Variants in IQCM observed in about 807,000 individuals in gnomAD.
IQCM encodes the protein IQ domain-containing protein M.
IQCM carries 45 observed loss-of-function variants against 57.6 expected under a neutral mutation model. The ratio of observed to expected loss-of-function variants is 0.78; its 90% CI spans 0.62 to 1.00. IQCM has a LOEUF of 1.00. Among genes scored for constraint, IQCM ranks in the 50% least tolerant of loss-of-function variants. The pLI is 0.00. For synonymous variants in IQCM, 148 were observed against 158.9 expected, an observed-to-expected ratio of 0.93 and a Z score of 0.51; for missense variants, 468 against 511.6, an observed-to-expected ratio of 0.91 and a Z score of 0.82.
At chr4:149,361,366 C>G (rs543255135) in intron 13 of IQCM, among the ~76,000 whole-genome samples, 1 of 152,276 alleles carries the variant, frequency 6.6e-6, no homozygotes, top group East Asian at 1.9e-4. Flanking sequence ...TAGCAAGGAA[C>G]CTAATGTTAA....
intron 5 of IQCM, among the ~76,000 whole-genome samples, chr4:149,708,109 T>C (rs1764292733): frequency 6.6e-6 from 1 of 151,996 alleles, no homozygotes; most frequent in Non-Finnish European, 1.5e-5. Context: ...ACCTTTCTTC[T>C]TTATCTTCAC....
chr4:149,630,548 T>C (rs908973886), intron 7 of IQCM, among the ~76,000 whole-genome samples: 1 of 152,196 alleles, frequency 6.6e-6, no homozygotes, highest in Non-Finnish European at 1.5e-5. Context: ...GTTTTTCATT[T>C]ATCTCACATA....
intron 12 of IQCM, among the ~76,000 whole-genome samples, chr4:149,486,033 C>G (rs866048168): frequency 4.0e-5 from 6 of 149,620 alleles, no homozygotes; most frequent in Non-Finnish European, 7.4e-5. Flanking sequence ...CTCTCTCTCT[C>G]TCTCTCTCTC....
intron 12 of IQCM, among the ~76,000 whole-genome samples, chr4:149,506,062 C>T (rs985525400): frequency 2.6e-5 from 4 of 152,194 alleles, no homozygotes; most frequent in African/African-American, 9.6e-5. Flanking sequence ...TTTATTTATA[C>T]AAAGAGGTAC....
chr4:149,438,155 C>T (rs1192149992), intron 12 of IQCM, among the ~76,000 whole-genome samples: 1 of 151,878 alleles, frequency 6.6e-6, no homozygotes, highest in Non-Finnish European at 1.5e-5. Context: ...TAGAAATAGC[C>T]TAATCCTTTA....
At chr4:149,705,807 T>A (rs1197243783) in intron 5 of IQCM, among the ~76,000 whole-genome samples, 6 of 151,910 alleles carry the variant, frequency 3.9e-5, no homozygotes, top group Non-Finnish European at 7.4e-5. Context: ...TCACCAATAC[T>A]TTCTGTTCTT....
At chr4:149,478,969 T>A (rs1449459573) in intron 12 of IQCM, among the ~76,000 whole-genome samples, 2 of 8,210 alleles carry the variant, frequency 2.4e-4, no homozygotes, top group African/African-American at 2.9e-4. Context: ...CCCCCCAAAT[T>A]CTTAACAAAT....
intron 2 of IQCM, among the ~76,000 whole-genome samples, chr4:149,813,210 C>T (rs993545145): frequency 6.6e-6 from 1 of 152,062 alleles, no homozygotes; most frequent in Non-Finnish European, 1.5e-5. Context: ...ATTTTCTACA[C>T]CAGACCCTGC....
chr4:149,809,509 T>C (rs1211015267), intron 2 of IQCM, among the ~76,000 whole-genome samples: 1 of 152,232 alleles, frequency 6.6e-6, no homozygotes, highest in Non-Finnish European at 1.5e-5. Flanking sequence ...AGTATTTGAA[T>C]AGGAGTATTT....
At chr4:149,530,478 G>A (rs1746618293) in intron 12 of IQCM, among the ~76,000 whole-genome samples, 2 of 152,122 alleles carry the variant, frequency 1.3e-5, no homozygotes, top group African/African-American at 4.8e-5. Context: ...GTATCCAAGA[G>A]AGGATACAGA....
At chr4:149,613,855 T>C (rs1434329687) in intron 8 of IQCM, among the ~76,000 whole-genome samples, 1 of 152,124 alleles carries the variant, frequency 6.6e-6, no homozygotes, top group Non-Finnish European at 1.5e-5. Flanking sequence ...TTGCTGAGAA[T>C]GATGGTTTCC....
intron 13 of IQCM, among the ~76,000 whole-genome samples, chr4:149,396,985 G>A (rs949233954): frequency 6.6e-6 from 1 of 151,916 alleles, no homozygotes; most frequent in African/African-American, 2.4e-5. Flanking sequence ...CTTGGCTATT[G>A]TGAATCATGA....
chr4:149,507,528 G>T (rs1267288481), intron 12 of IQCM, among the ~76,000 whole-genome samples: 1 of 152,162 alleles, frequency 6.6e-6, no homozygotes, highest in Non-Finnish European at 1.5e-5. Flanking sequence ...CAAAGAGACT[G>T]GTGGCATTTT....
intron 12 of IQCM, among the ~76,000 whole-genome samples, chr4:149,499,212 T>C (rs1368160356): frequency 6.6e-6 from 1 of 152,130 alleles, no homozygotes; most frequent in Non-Finnish European, 1.5e-5. Flanking sequence ...GGTGGGAGGA[T>C]GTTATGCAGA....
chr4:149,646,878 G>A (rs1223722697), intron 7 of IQCM, among the ~76,000 whole-genome samples: 1 of 152,158 alleles, frequency 6.6e-6, no homozygotes, highest in Admixed American at 6.5e-5. Context: ...CAGCTACTCA[G>A]GAGGCTGAGG....
intron 8 of IQCM, among the ~76,000 whole-genome samples, chr4:149,606,159 C>G (rs1320315254): frequency 6.6e-6 from 1 of 152,118 alleles, no homozygotes; most frequent in East Asian, 1.9e-4. Flanking sequence ...AAGGCTTCAG[C>G]TGGGAACCTG....
chr4:149,410,497 C>T (rs981810693), intron 13 of IQCM, among the ~76,000 whole-genome samples: 5 of 148,740 alleles, frequency 3.4e-5, no homozygotes, highest in African/African-American at 4.9e-5. Context: ...GATATATATT[C>T]TAATATAAAT....
intron 7 of IQCM, among the ~76,000 whole-genome samples, chr4:149,644,699 G>A (rs1758492039): frequency 6.6e-6 from 1 of 152,116 alleles, no homozygotes; most frequent in Non-Finnish European, 1.5e-5. Flanking sequence ...GTGTTAGTGT[G>A]GTCCACGGAT....
intron 7 of IQCM, among the ~76,000 whole-genome samples, chr4:149,634,349 C>T (rs1343659593): frequency 6.6e-6 from 1 of 152,122 alleles, no homozygotes; most frequent in Non-Finnish European, 1.5e-5. Flanking sequence ...ACATGAATGA[C>T]CATGGAGAAT....
Sources: gnomAD v4.1 joint callset for allele counts (sites outside exome capture counted in the v4.1 genomes callset) on GRCh38, gnomAD v4.1.1 for gene constraint, MANE v1.5 for transcripts, NCBI Gene and HGNC (gene_info 2026-07-23, HGNC 2026-07-21) for gene names.